The following CLCN5 variants were observed in gnomAD, a reference collection of about 807,000 sequenced individuals.
CLCN5 encodes the protein Cl-/H+ antiporter 5.
CLCN5 carries 17 observed loss-of-function variants against 54.0 expected under a neutral mutation model. The ratio of observed to expected loss-of-function variants is 0.31; its 90% CI spans 0.22 to 0.47. The LOEUF (loss-of-function observed/expected upper bound fraction) is 0.47, where lower values mean the gene tolerates loss of function less well. Ranked by LOEUF, CLCN5 falls within the 20% of genes least tolerant of loss-of-function variation. CLCN5 has a pLI of 1.00. For missense variants in CLCN5, 448 were observed against 646.7 expected, an observed-to-expected ratio of 0.69 and a Z score of 3.33; for synonymous variants, 222 against 233.0, an observed-to-expected ratio of 0.95 and a Z score of 0.43.
chrX:49,975,535 T>G (rs1218451111), intron 3 of CLCN5, among the ~76,000 whole-genome samples: 1 of 111,519 alleles, frequency 9.0e-6, no homozygotes, highest in African/African-American at 3.3e-5. Flanking sequence ...TTATCATCTT[T>G]GCATATGCCC....
chrX:50,065,676 G>T (rs1246779557), intron 4 of CLCN5, among the ~76,000 whole-genome samples: 1 of 100,539 alleles, frequency 9.9e-6, no homozygotes. Context: ...ATACCCAAAG[G>T]ACTATAAATC....
intron 7 of CLCN5, among the ~76,000 whole-genome samples, chrX:50,076,529 G>T (rs1203159542): frequency 9.1e-6 from 1 of 110,026 alleles, no homozygotes; most frequent in African/African-American, 3.3e-5. Context: ...ATACGTTTTT[G>T]TTTTTTTTCT....
intron 3 of CLCN5, chrX:50,009,635 A>G: frequency 2.7e-6 from 1 of 368,783 alleles, no homozygotes; most frequent in South Asian, 2.5e-5. Flanking sequence ...AAATGCACAC[A>G]GAGATACTTT....
At chrX:49,990,587 G>A (rs1557178811) in intron 3 of CLCN5, among the ~76,000 whole-genome samples, 2 of 111,454 alleles carry the variant, frequency 1.8e-5, no homozygotes, top group African/African-American at 3.3e-5. Flanking sequence ...ACAGGCACCC[G>A]CCACCACACA....
At chrX:49,973,411 C>T (rs192259353) in intron 3 of CLCN5, among the ~76,000 whole-genome samples, 99 of 110,230 alleles carry the variant, frequency 9.0e-4, no homozygotes, top group Non-Finnish European at 1.3e-3. Context: ...ATGTGCACAA[C>T]GTGCAGGTTT....
At chrX:50,019,278 A>G (rs1205767174) in intron 3 of CLCN5, among the ~76,000 whole-genome samples, 3 of 110,284 alleles carry the variant, frequency 2.7e-5, no homozygotes, top group African/African-American at 9.9e-5. Flanking sequence ...TATGATCGAT[A>G]GTGATGGTCT....
chrX:50,044,798 C>T (rs782431104), intron 4 of CLCN5, among the ~76,000 whole-genome samples: 12 of 111,122 alleles, frequency 1.1e-4, no homozygotes, highest in Middle Eastern at 4.7e-3. Flanking sequence ...ATCTTACAGT[C>T]GGGCCTTGAA....
intron 3 of CLCN5, among the ~76,000 whole-genome samples, chrX:49,987,592 G>A (rs1257337350): frequency 2.7e-5 from 3 of 112,008 alleles, no homozygotes; most frequent in African/African-American, 9.7e-5. Flanking sequence ...AGATACCCTT[G>A]GAAGTACTTA....
intron 3 of CLCN5, among the ~76,000 whole-genome samples, chrX:49,958,562 G>A (rs1013753763): frequency 2.9e-4 from 32 of 111,469 alleles, no homozygotes; most frequent in Non-Finnish European, 9.4e-5. Context: ...TTTGTTTTCA[G>A]AGCCATTTCA....
chrX:50,026,038 G>A (rs1484558980), intron 3 of CLCN5, among the ~76,000 whole-genome samples: 2 of 111,613 alleles, frequency 1.8e-5, no homozygotes, highest in Non-Finnish European at 3.8e-5. Context: ...ATCCCTCTAA[G>A]CACTGGTTTC....
At position 50,094,069 on chromosome X, in the gene CLCN5, G is replaced by C. The variant is rs1934187321; in HGVS notation, c.*1850G>C. 1 of 111,764 alleles carries C rather than the reference G, an allele frequency of 8.9e-6. No individual in the cohort carries two copies. Among genetic ancestry groups the C allele is most frequent in the South Asian group, 3.8e-4 (1 of 2,664 alleles). The allele number at this position is 111,764 out of a possible 1,213,427, so 9.2% of individuals were successfully genotyped here. ...CACTTCAGTGTACCTCATTTTAAGA[G>C]TTGCTGATCCCTGATTCTAGGACGT... On this transcript the variant is annotated 3_prime_UTR_variant, in exon 15 of 15. Transcript: ENST00000376091.
intron 4 of CLCN5, among the ~76,000 whole-genome samples, chrX:50,054,979 G>A (rs1169229862): frequency 2.7e-5 from 3 of 111,015 alleles, no homozygotes; most frequent in Non-Finnish European, 3.8e-5. Flanking sequence ...TAAGATCTGG[G>A]GCTAACAGGT....
At position 49,942,629 on chromosome X, in the gene CLCN5, C is replaced by T. The variant is rs782312406; in HGVS notation, c.16+17315C>T. The stretch of plus-strand genomic sequence containing the variant: ...TCCAAGTGTTCTCATTGTTCAATTC[C>T]CACCTATGAGTGAGAACTTGCGGTG... On this transcript the variant is annotated intron_variant, in intron 3 of 14. Transcript: ENST00000376091. Among the ~76,000 whole-genome samples the T allele has an allele frequency of 7.9e-3, 816 of 103,517 alleles. 4 individuals carry two copies. The highest frequency in any genetic ancestry group is 0.011 in the Non-Finnish European group (554 of 50,788). The allele number at this position is 103,517 out of a possible 115,157, so 89.9% of individuals were successfully genotyped here. A position where few individuals can be genotyped will look rare whatever the true frequency, so the allele number is the denominator to read the frequency against.
Position 50,057,671 on chromosome X carries a change from G to C in CLCN5, c.164-12208G>C, listed in dbSNP as rs79464039. Among the ~76,000 whole-genome samples, 64 of 87,701 alleles carry C rather than the reference G, an allele frequency of 7.3e-4. 2 individuals are homozygous for C. The highest frequency in any genetic ancestry group is 3.0e-3 in the African/African-American group (60 of 19,932). 76.2% of individuals were successfully genotyped at this position (87,701 alleles called of 115,157 possible). A position where few individuals can be genotyped will look rare whatever the true frequency, so the allele number is the denominator to read the frequency against. On this transcript the variant is annotated intron_variant, in intron 4 of 14. Transcript: ENST00000376091. ...ATACTATCCAGGACTCTCCTGGATA[G>C]ATACTATCCAGGACTCTCCTGGATA...
intron 3 of CLCN5, among the ~76,000 whole-genome samples, chrX:49,958,099 G>C (rs781994034): frequency 9.0e-6 from 1 of 111,589 alleles, no homozygotes; most frequent in African/African-American, 3.3e-5. Flanking sequence ...TCCTTTTGCT[G>C]TCCCTTTATA....
chrX:50,013,335 G>A (rs782614386), intron 3 of CLCN5: 2 of 369,319 alleles, frequency 5.4e-6, no homozygotes, highest in East Asian at 7.8e-5. Context: ...CCTTGTCATC[G>A]TGAATCTTCT....
chrX:50,055,993 T>G (rs1932730796), intron 4 of CLCN5, among the ~76,000 whole-genome samples: 1 of 108,637 alleles, frequency 9.2e-6, no homozygotes. Context: ...ACACATACAT[T>G]GGTGTGCACA....
intron 3 of CLCN5, among the ~76,000 whole-genome samples, chrX:50,012,730 C>T (rs1482336655): frequency 8.9e-6 from 1 of 111,836 alleles, no homozygotes; most frequent in Non-Finnish European, 1.9e-5. Context: ...GCATCTGTAT[C>T]ACCTAGGAGC....
intron 3 of CLCN5, among the ~76,000 whole-genome samples, chrX:49,944,646 C>T (rs1262608491): frequency 1.8e-5 from 2 of 111,959 alleles, no homozygotes; most frequent in African/African-American, 3.2e-5. Context: ...GCCTTTTCTG[C>T]ATCTATTGAG....
Sources: allele counts gnomAD v4.1 joint callset (sites outside exome capture counted in the v4.1 genomes callset), GRCh38; gene constraint gnomAD v4.1.1; transcripts MANE v1.5; gene names NCBI Gene and HGNC (gene_info 2026-07-23, HGNC 2026-07-21).